PPM1L: variants seen among roughly 807,000 people sequenced by gnomAD.
The protein encoded by PPM1L is protein phosphatase 1L.
PPM1L carries 13 observed loss-of-function variants against 31.4 expected under a neutral mutation model. That is an observed-to-expected ratio of 0.41 (90% CI 0.27 to 0.66). PPM1L has a LOEUF of 0.66. Ranked by LOEUF, PPM1L falls within the 30% of genes least tolerant of loss-of-function variation. The pLI, the probability that PPM1L is intolerant of heterozygous loss-of-function variation, is 0.29. For missense variants in PPM1L, 326 were observed against 453.7 expected (o/e 0.72, Z 2.56); for synonymous variants, 184 against 175.4 (o/e 1.05, Z -0.39).
At chr3:160,763,483 A>G (rs1235026257) in intron 1 of PPM1L, among the ~76,000 whole-genome samples, 2 of 152,318 alleles carry the variant, frequency 1.3e-5, no homozygotes, top group East Asian at 3.9e-4. Context: ...TGGATAACAC[A>G]TTGCTTGTGA....
At chr3:160,765,484 T>C (rs1715081211) in intron 1 of PPM1L, among the ~76,000 whole-genome samples, 1 of 152,330 alleles carries the variant, frequency 6.6e-6, no homozygotes, top group East Asian at 1.9e-4. Flanking sequence ...CCTTGGTAGG[T>C]TGATCTTGTA....
intron 2 of PPM1L, among the ~76,000 whole-genome samples, chr3:161,001,659 C>T (rs964500913): frequency 2.6e-5 from 4 of 151,974 alleles, no homozygotes; most frequent in Non-Finnish European, 4.4e-5. Flanking sequence ...TAAATAACAC[C>T]CCCAGCTCTT....
chr3:160,912,670 G>A (rs1252196053), intron 1 of PPM1L, among the ~76,000 whole-genome samples: 1 of 152,184 alleles, frequency 6.6e-6, no homozygotes, highest in Non-Finnish European at 1.5e-5. Context: ...AGATTGAAGT[G>A]TGTCATGTAG....
intron 1 of PPM1L, among the ~76,000 whole-genome samples, chr3:160,914,769 T>C (rs1714101438): frequency 6.6e-6 from 1 of 152,182 alleles, no homozygotes; most frequent in Non-Finnish European, 1.5e-5. Context: ...TGTGTCTTTA[T>C]AGCAGCATGA....
At chr3:160,907,799 C>A (rs114114897) in intron 1 of PPM1L, among the ~76,000 whole-genome samples, 1 of 152,152 alleles carries the variant, frequency 6.6e-6, no homozygotes, top group Admixed American at 6.5e-5. Flanking sequence ...GAACATATGA[C>A]GGAGGGAATG....
intron 2 of PPM1L, among the ~76,000 whole-genome samples, chr3:161,014,163 G>T (rs1040115327): frequency 2.0e-5 from 3 of 152,142 alleles, no homozygotes; most frequent in Admixed American, 2.0e-4. Context: ...GCTGGTACTG[G>T]TTGTTCCTTT....
Position 160,944,775 on chromosome 3 carries a change from ATAT to A in PPM1L, c.400-16957_400-16955del, listed in dbSNP as rs1715278174. Among the ~76,000 whole-genome samples, 3 of 66,584 alleles carry A rather than the reference ATAT, an allele frequency of 4.5e-5. 1 individual carries two copies. Among genetic ancestry groups the A allele is most frequent in the Non-Finnish European group, 6.5e-5 (2 of 30,900 alleles). The allele number at this position is 66,584 out of a possible 152,430, so 43.7% of individuals were successfully genotyped here. A position where few individuals can be genotyped will look rare whatever the true frequency, so the allele number is the denominator to read the frequency against. ...ATATATGTTATATATAACATGTTATATATTATATTATATATGTTATATATAACA... is the reference window on the plus strand; with the variant it reads ...ATATATGTTATATATAACATGTTATATATATTATATATGTTATATATAACA... On this transcript the variant is annotated intron_variant, in intron 1 of 3. Transcript: ENST00000498165.
At chr3:160,982,957 A>T (rs1000920232) in intron 2 of PPM1L, among the ~76,000 whole-genome samples, 1 of 152,204 alleles carries the variant, frequency 6.6e-6, no homozygotes, top group Non-Finnish European at 1.5e-5. Context: ...TTTTTTAAAG[A>T]ACTCATATTT....
At chr3:161,065,318 A>G (rs1719702291) in intron 2 of PPM1L, 85 bp from the exon 3 acceptor site, 3 of 1,365,314 alleles carry the variant, frequency 2.2e-6, no homozygotes, top group South Asian at 2.6e-5. Flanking sequence ...AATTTTAATG[A>G]CTGAAGAATC....
intron 2 of PPM1L, among the ~76,000 whole-genome samples, chr3:161,046,633 C>G (rs1424559560): frequency 1.3e-5 from 2 of 152,018 alleles, no homozygotes; most frequent in Non-Finnish European, 2.9e-5. Context: ...AGAGACACAA[C>G]CAAAAAAGAG....
intron 1 of PPM1L, among the ~76,000 whole-genome samples, chr3:160,894,375 G>A (rs147738396): frequency 1.1e-4 from 16 of 152,212 alleles, no homozygotes; most frequent in Admixed American, 4.6e-4. Context: ...TATTGATTTT[G>A]TGGCACTTAT....
intron 2 of PPM1L, among the ~76,000 whole-genome samples, chr3:161,016,351 C>CTT (rs1179673817): frequency 6.6e-6 from 1 of 152,188 alleles, no homozygotes; most frequent in Non-Finnish European, 1.5e-5. Context: ...CCCTAAGGAG[C>CTT]TTGTAGTCTT....
In PPM1L at chr3:161,077,717, TA is replaced by T. The variant is rs1183751704; in HGVS notation, c.*8563del. ...AACAGAAGACTAAATGTCATTTTTT[TA>T]AATCATAAATTTGGTATCCATAGTT... On this transcript the variant is annotated 3_prime_UTR_variant, in exon 4 of 4. Transcript: ENST00000498165. The T allele has an allele frequency of 2.6e-5, 4 of 152,244 alleles. No individual in the cohort carries two copies. Among genetic ancestry groups the T allele is most frequent in the African/African-American group, 4.8e-5 (2 of 41,462 alleles). The allele number at this position is 152,244 out of a possible 1,614,324, so 9.4% of individuals were successfully genotyped here.
At chr3:161,021,881 A>G (rs1365065381) in intron 2 of PPM1L, among the ~76,000 whole-genome samples, 1 of 152,052 alleles carries the variant, frequency 6.6e-6, no homozygotes, top group Non-Finnish European at 1.5e-5. Flanking sequence ...TACTCTTAAC[A>G]TATTTGTGCC....
chr3:161,057,744 G>C (rs774628127), intron 2 of PPM1L, among the ~76,000 whole-genome samples: 3 of 151,950 alleles, frequency 2.0e-5, no homozygotes, highest in Non-Finnish European at 2.9e-5. Flanking sequence ...GCTTTCCCCT[G>C]AGCACGTGTT....
chr3:160,881,320 T>C (rs1712704588), intron 1 of PPM1L, among the ~76,000 whole-genome samples: 1 of 152,164 alleles, frequency 6.6e-6, no homozygotes, highest in African/African-American at 2.4e-5. Flanking sequence ...CTTTTAAATG[T>C]TTTGTTTCAT....
At chr3:161,043,243 A>C (rs1246197896) in intron 2 of PPM1L, among the ~76,000 whole-genome samples, 1 of 151,944 alleles carries the variant, frequency 6.6e-6, no homozygotes, top group Non-Finnish European at 1.5e-5. Flanking sequence ...AGATAAGTGA[A>C]AGTTGTGCCC....
rs760907219 is a variant in PPM1L at position 161,031,502 on chromosome 3, C to CTT, written c.575-33886_575-33885dup. Among the ~76,000 whole-genome samples, 443 of 101,666 alleles carry CTT rather than the reference C, an allele frequency of 4.4e-3. 33 individuals are homozygous for CTT. Among genetic ancestry groups the CTT allele is most frequent in the African/African-American group, 0.016 (363 of 22,844 alleles). The allele number at this position is 101,666 out of a possible 152,430, so 66.7% of individuals were successfully genotyped here. The stretch of plus-strand genomic sequence containing the variant: ...GTGAATGGCAGCTATGTATTCTGTC[C>CTT]TTTTTTTTTTTTTTTTGAGAGAGAG... On this transcript the variant is annotated intron_variant, in intron 2 of 3. Transcript: ENST00000498165.
intron 1 of PPM1L, among the ~76,000 whole-genome samples, chr3:160,885,095 G>A (rs1712862687): frequency 6.6e-6 from 1 of 152,074 alleles, no homozygotes; most frequent in African/African-American, 2.4e-5. Flanking sequence ...GTAGGGGAGG[G>A]ATAGGTACTC....
Sources: gnomAD v4.1 joint callset for allele counts (sites outside exome capture counted in the v4.1 genomes callset) on GRCh38, gnomAD v4.1.1 for gene constraint, MANE v1.5 for transcripts, NCBI Gene and HGNC (gene_info 2026-07-23, HGNC 2026-07-21) for gene names.